The following ARHGEF28 variants were observed in gnomAD, a reference collection of about 807,000 sequenced individuals.
The protein encoded by ARHGEF28 is Rho guanine nucleotide exchange factor 28, also known as 190 kDa guanine nucleotide exchange factor.
In ARHGEF28, 152 loss-of-function variants were observed where a neutral mutation model predicts 206.6. The observed-to-expected ratio is 0.74, with a 90% CI of 0.64 to 0.84. The LOEUF is 0.84. Ranked by LOEUF, ARHGEF28 falls within the 40% of genes least tolerant of loss-of-function variation. ARHGEF28 has a pLI of 0.00. For synonymous variants in ARHGEF28, 763 were observed against 776.4 expected, an observed-to-expected ratio of 0.98 and a Z score of 0.29; for missense variants, 2,028 against 2,073.2, an observed-to-expected ratio of 0.98 and a Z score of 0.42.
At chr5:73,895,081 C>T (rs117281122) in intron 29 of ARHGEF28, among the ~76,000 whole-genome samples, 57 of 151,990 alleles carry the variant, frequency 3.8e-4, no homozygotes, top group Non-Finnish European at 6.3e-4. Context: ...GGTTGCATGG[C>T]GGGAGAGAAG....
intron 35 of ARHGEF28, among the ~76,000 whole-genome samples, chr5:73,915,676 G>T (rs189207643): frequency 2.1e-4 from 32 of 152,200 alleles, no homozygotes; most frequent in African/African-American, 7.2e-4. Flanking sequence ...TTTTATTCTT[G>T]TGGCTTTTTT....
At chr5:73,813,623 C>A in intron 9 of ARHGEF28, 1 of 1,535,856 alleles carries the variant, frequency 6.5e-7, no homozygotes. Context: ...TTTAACTACT[C>A]GTGGCCTTCC....
rs368152899 is a variant in ARHGEF28 at position 73,794,417 on chromosome 5, T to C, written c.926T>C (p.Val309Ala). ...AETEEEIKNS[V>A]SSRSAAEKED... is the part of the protein sequence containing the mutation. The stretch of plus-strand genomic sequence containing the variant: ...TCTTTTGCAGAGATTAAGAATTCAG[T>C]GTCCAGCAGATCAGCAGCTGAAAAG... Residue 309 changes from valine (V) to alanine (A), a missense_variant, in exon 8 of 36, where the codon GTG becomes GCG. This residue lies in a region of ARHGEF28 where 1,002 missense variants were observed against 1,015.3 expected (regional missense o/e 0.99). Transcript: ENST00000513042. 17 of 1,603,254 alleles carry C rather than the reference T, an allele frequency of 1.1e-5. No homozygotes were observed. In the African/African-American group the frequency reaches 1.9e-4, roughly 18 times the overall value.
intron 35 of ARHGEF28, among the ~76,000 whole-genome samples, chr5:73,940,318 A>G (rs1006404160): frequency 2.0e-5 from 3 of 152,196 alleles, no homozygotes; most frequent in Non-Finnish European, 4.4e-5. Flanking sequence ...TACTTTGTGT[A>G]GTATTAACAG....
At position 73,888,029 on chromosome 5, in the gene ARHGEF28, C is replaced by T. The variant is rs758754059; in HGVS notation, c.3387+350C>T. On this transcript the variant is annotated intron_variant, in intron 26 of 35. Transcript: ENST00000513042. ...CTATCTTGGTCTTTCCTCCAGACTC[C>T]TCTCTTCCCCGCCCCTTCGGCCCCC... 1.1e-4 allele frequency among the ~76,000 whole-genome samples: 17 copies of T among 152,308 alleles called. No homozygotes were observed. The Middle Eastern group carries it at 0.01, about 91-fold the overall frequency.
At chr5:73,690,525 CAAAAAAAAAAA>C (rs71615796) in intron 2 of ARHGEF28, among the ~76,000 whole-genome samples, 722 of 23,400 alleles carry the variant, frequency 0.031, 11 homozygotes, top group African/African-American at 0.064. Context: ...TCTGTCTTTA[CAAAAAAAAAAA>C]AAAAAAAAAA....
chr5:73,711,830 A>T (rs1314727449), intron 2 of ARHGEF28, among the ~76,000 whole-genome samples: 1 of 149,920 alleles, frequency 6.7e-6, no homozygotes, highest in Admixed American at 6.6e-5. Context: ...ATTTTTTTCC[A>T]TATTGAATAG....
rs1322440264 is a variant in ARHGEF28 at position 73,671,790 on chromosome 5, C to G, written c.-11-13051C>G. 3.2e-5 allele frequency among the ~76,000 whole-genome samples: 3 copies of G among 95,030 alleles called. 1 individual carries two copies. The highest frequency in any genetic ancestry group is 1.0e-4 in the African/African-American group (3 of 28,706). The allele number at this position is 95,030 out of a possible 152,430, so 62.3% of individuals were successfully genotyped here. ...TTTTTTTTTGAGACGGAATCTCGCT[C>G]TGTCACCCAGGCTGGAGTGCAGTGG... On this transcript the variant is annotated intron_variant, in intron 1 of 35. Transcript: ENST00000513042.
At position 73,852,805 on chromosome 5, in the gene ARHGEF28, A is replaced by G. The variant is rs1471878; in HGVS notation, c.1790+113A>G. 1,882 of 1,107,658 alleles carry G rather than the reference A, an allele frequency of 1.7e-3. 6 individuals are homozygous for G. The highest frequency in any genetic ancestry group is 2.3e-3 in the Non-Finnish European group (1,687 of 729,028). 68.6% of individuals were successfully genotyped at this position (1,107,658 alleles called of 1,614,324 possible). The stretch of plus-strand genomic sequence containing the variant: ...GTTCATGAGAGGTTTCCATGTAACA[A>G]GCCTGCCTAAGACCCTTTGCTCCCT... On this transcript the variant is annotated intron_variant, in intron 14 of 35. Transcript: ENST00000513042.
intron 34 of ARHGEF28, among the ~76,000 whole-genome samples, 158 bp from the exon 35 acceptor site, chr5:73,911,117 T>G (rs981176037): frequency 4.6e-5 from 7 of 152,186 alleles, no homozygotes; most frequent in Admixed American, 4.6e-4. Context: ...ACTAGCTCAT[T>G]AAAAGAGTAT....
chr5:73,765,464 C>T (rs1332018836), intron 4 of ARHGEF28, among the ~76,000 whole-genome samples: 2 of 152,220 alleles, frequency 1.3e-5, no homozygotes, highest in African/African-American at 4.8e-5. Flanking sequence ...GTCAATACTC[C>T]ACAGTGCATT....
intron 2 of ARHGEF28, among the ~76,000 whole-genome samples, chr5:73,688,811 G>A (rs1054014787): frequency 1.4e-4 from 22 of 152,118 alleles, no homozygotes; most frequent in Admixed American, 6.6e-4. Context: ...ATGCCACCAC[G>A]TTCAGCTAAT....
intron 22 of ARHGEF28, among the ~76,000 whole-genome samples, chr5:73,880,128 A>T (rs2973578): frequency 0.56 from 84,324 of 151,850 alleles, 24,190 homozygotes; most frequent in African/African-American, 0.69. Context: ...AGCCTGGGCA[A>T]TGGCGGGCGC....
At chr5:73,706,466 A>G (rs950467421) in intron 2 of ARHGEF28, among the ~76,000 whole-genome samples, 3 of 152,124 alleles carry the variant, frequency 2.0e-5, no homozygotes, top group Admixed American at 6.5e-5. Context: ...AAAAGAGTCT[A>G]TTGAAGTTCA....
At chr5:73,644,292 T>A (rs1033374146) in intron 1 of ARHGEF28, among the ~76,000 whole-genome samples, 1 of 152,246 alleles carries the variant, frequency 6.6e-6, no homozygotes, top group African/African-American at 2.4e-5. Flanking sequence ...GACCCTGAGT[T>A]AATTTCTGTG....
chr5:73,898,470 C>A (rs1330927413), intron 30 of ARHGEF28: 1 of 163,182 alleles, frequency 6.1e-6, no homozygotes, highest in African/African-American at 2.4e-5. Context: ...AATTACAGAA[C>A]AAGCCCTTAA....
At chr5:73,923,074 AT>A in intron 35 of ARHGEF28, 1 of 1,535,020 alleles carries the variant, frequency 6.5e-7, no homozygotes, top group Non-Finnish European at 8.7e-7. Context: ...ATGCGGCCAT[AT>A]TTTGCATTCA....
chr5:73,922,429 A>C (rs1763569520), intron 35 of ARHGEF28, among the ~76,000 whole-genome samples: 1 of 152,256 alleles, frequency 6.6e-6, no homozygotes, highest in Non-Finnish European at 1.5e-5. Flanking sequence ...GCGTGACATC[A>C]GAAGTCAAGG....
At chr5:73,877,810 T>G (rs1434055156) in intron 22 of ARHGEF28, among the ~76,000 whole-genome samples, 1 of 152,132 alleles carries the variant, frequency 6.6e-6, no homozygotes, top group Non-Finnish European at 1.5e-5. Context: ...TTTCTGTTCT[T>G]TTACATTTTC....
Sources: allele counts gnomAD v4.1 joint callset (sites outside exome capture counted in the v4.1 genomes callset), GRCh38; gene constraint gnomAD v4.1.1; regional missense constraint gnomAD v4.1.1; transcripts MANE v1.5; gene names NCBI Gene and HGNC (gene_info 2026-07-23, HGNC 2026-07-21).